Variants in PRR16 observed in about 807,000 individuals in gnomAD.
The protein encoded by PRR16 is protein Largen.
Under a neutral mutation model 18.2 loss-of-function variants are expected in PRR16, and 6 were observed. The observed-to-expected ratio is 0.33, with a 90% confidence interval of 0.18 to 0.65. The LOEUF (loss-of-function observed/expected upper bound fraction) is 0.65. PRR16 is among the 30% of genes least tolerant of loss of function. The pLI, the probability that PRR16 is intolerant of heterozygous loss-of-function variation, is 0.74. For missense variants in PRR16, 412 were observed against 376.6 expected, an observed-to-expected ratio of 1.09 and a Z score of -0.78; for synonymous variants, 151 against 147.8, an observed-to-expected ratio of 1.02 and a Z score of -0.16.
intron 1 of PRR16, among the ~76,000 whole-genome samples, chr5:120,598,988 C>A (rs575845573): frequency 1.3e-5 from 2 of 151,752 alleles, no homozygotes; most frequent in Non-Finnish European, 2.9e-5. Flanking sequence ...CAGAGTGTAG[C>A]TTTTTGGAAA....
rs370413378 is a variant in PRR16 at position 120,518,564 on chromosome 5, C to CT, written c.159+53933dup. Among the ~76,000 whole-genome samples the CT allele has an allele frequency of 5.4e-3, 778 of 143,552 alleles. 4 individuals are homozygous for CT. The highest frequency in any genetic ancestry group is 0.016 in the African/African-American group (619 of 39,406). 94.2% of individuals were successfully genotyped at this position (143,552 alleles called of 152,430 possible). A position where few individuals can be genotyped will look rare whatever the true frequency, so the allele number is the denominator to read the frequency against. On this transcript the variant is annotated intron_variant, in intron 1 of 1. Transcript: ENST00000407149. ...GTTGAAAGGCTATCCTCATTAAAAT[C>CT]TTTTTTTTTTTTTTAATAGAGGCTG...
intron 1 of PRR16, among the ~76,000 whole-genome samples, chr5:120,491,630 G>A (rs138059099): frequency 1.3e-3 from 198 of 152,044 alleles, no homozygotes; most frequent in African/African-American, 4.5e-3. Flanking sequence ...TGCAACCTCT[G>A]CCTCTCAGGT....
At chr5:120,741,135 T>A in the PRR16 span, among the ~76,000 whole-genome samples, 5 of 152,114 alleles carry the variant, frequency 3.3e-5, no homozygotes, top group Admixed American at 6.5e-5. Context: ...AAAAATTTTT[T>A]TATATATATA....
At chr5:120,681,791 T>C (rs1756980885) in intron 1 of PRR16, among the ~76,000 whole-genome samples, 1 of 152,236 alleles carries the variant, frequency 6.6e-6, no homozygotes, top group African/African-American at 2.4e-5. Context: ...GGGACCACTG[T>C]TACTTGTGGG....
chr5:120,648,883 A>G (rs1755685055), intron 1 of PRR16, among the ~76,000 whole-genome samples: 1 of 152,180 alleles, frequency 6.6e-6, no homozygotes, highest in Admixed American at 6.6e-5. Context: ...AAAGAGATGC[A>G]CAAGAGCACA....
At chr5:120,737,200 T>G in the PRR16 span, among the ~76,000 whole-genome samples, 1 of 152,132 alleles carries the variant, frequency 6.6e-6, no homozygotes, top group African/African-American at 2.4e-5. Context: ...CCTGACTGAT[T>G]GGGAGAAACT....
At chr5:120,581,886 T>G (rs181805296) in intron 1 of PRR16, among the ~76,000 whole-genome samples, 1 of 152,306 alleles carries the variant, frequency 6.6e-6, no homozygotes, top group East Asian at 1.9e-4. Flanking sequence ...AGAGACTGTT[T>G]GTTATGATTT....
At chr5:120,640,306 A>AG (rs1358264742) in intron 1 of PRR16, among the ~76,000 whole-genome samples, 1 of 4,678 alleles carries the variant, frequency 2.1e-4, no homozygotes, top group Admixed American at 5.4e-3. Context: ...ATAAAAGTTG[A>AG]AAAAAAATTC....
intron 1 of PRR16, among the ~76,000 whole-genome samples, chr5:120,516,885 A>C (rs1041087499): frequency 6.6e-6 from 1 of 152,174 alleles, no homozygotes; most frequent in African/African-American, 2.4e-5. Context: ...TATGGCTCAT[A>C]TGGTACCTAC....
intron 1 of PRR16, among the ~76,000 whole-genome samples, chr5:120,492,478 T>G (rs1580642427): frequency 6.6e-6 from 1 of 152,056 alleles, no homozygotes; most frequent in Non-Finnish European, 1.5e-5. Flanking sequence ...CTATTACTGG[T>G]TTTTGCTTAT....
chr5:120,785,973 T>TC, the PRR16 span, among the ~76,000 whole-genome samples: 1 of 139,504 alleles, frequency 7.2e-6, no homozygotes, highest in Non-Finnish European at 1.6e-5. Context: ...TTTTAGTCAT[T>TC]CTTTAAAAAA....
chr5:120,622,455 A>T lies in PRR16; in HGVS notation c.160-63499A>T, dbSNP rs1172156465. On this transcript the variant is annotated intron_variant, in intron 1 of 1. Coordinates refer to ENST00000407149, the MANE Select transcript of PRR16 (RefSeq NM_001300783.2). The stretch of plus-strand genomic sequence containing the variant: ...TATTTTTCACAAGTTGGCATTCCAT[A>T]TGTTATTTATTTATTTATTTTATAT... Among the ~76,000 whole-genome samples the T allele has an allele frequency of 4.0e-5, 6 of 151,678 alleles. No homozygotes were observed. The East Asian group carries it at 1.2e-3, about 29-fold the overall frequency.
At chr5:120,541,058 T>A (rs990702164) in intron 1 of PRR16, among the ~76,000 whole-genome samples, 2 of 152,182 alleles carry the variant, frequency 1.3e-5, no homozygotes, top group Non-Finnish European at 2.9e-5. Flanking sequence ...GGTCTTATAA[T>A]TGATTGCTTT....
chr5:120,586,400 A>G (rs1047713992), intron 1 of PRR16, among the ~76,000 whole-genome samples: 1 of 152,114 alleles, frequency 6.6e-6, no homozygotes, highest in African/African-American at 2.4e-5. Flanking sequence ...TTTTATTACG[A>G]TTCACTTTTT....
Position 120,579,971 on chromosome 5 carries a change from G to A in PRR16, c.160-105983G>A, listed in dbSNP as rs570316480. Among the ~76,000 whole-genome samples the A allele has an allele frequency of 1.8e-3, 271 of 152,120 alleles. 1 individual carries two copies. The highest frequency in any genetic ancestry group is 4.2e-3 in the South Asian group (20 of 4,816). ...ACTTCCCTTGTTAGGTGTATTCCTA[G>A]GTATTTTATTCTCTTTGTAGCAATT... is the stretch of plus-strand genomic sequence containing the variant. On this transcript the variant is annotated intron_variant, in intron 1 of 1. Coordinates refer to ENST00000407149, the MANE Select transcript of PRR16 (RefSeq NM_001300783.2).
intron 1 of PRR16, among the ~76,000 whole-genome samples, chr5:120,529,718 A>G (rs576754588): frequency 7.2e-5 from 11 of 152,258 alleles, no homozygotes; most frequent in African/African-American, 2.4e-4. Flanking sequence ...GAAGGTAAGG[A>G]CAAACTTTAG....
intron 1 of PRR16, among the ~76,000 whole-genome samples, chr5:120,600,135 C>T (rs9327155): frequency 0.86 from 130,291 of 151,728 alleles, 56,145 homozygotes; most frequent in Admixed American, 0.91. Flanking sequence ...CTCTTCGTTT[C>T]GTAGCCCAGC....
intron 1 of PRR16, among the ~76,000 whole-genome samples, chr5:120,501,761 C>A (rs1347859884): frequency 6.6e-6 from 1 of 151,754 alleles, no homozygotes; most frequent in African/African-American, 2.4e-5. Context: ...CTGAGACCAT[C>A]CTGGCTACCA....
At chr5:120,682,926 G>A (rs1036742182) in intron 1 of PRR16, among the ~76,000 whole-genome samples, 2 of 152,102 alleles carry the variant, frequency 1.3e-5, no homozygotes, top group Non-Finnish European at 1.5e-5. Flanking sequence ...AATTAGTACC[G>A]GTTGTTATGT....
Sources: gnomAD v4.1 joint callset for allele counts (sites outside exome capture counted in the v4.1 genomes callset) on GRCh38, gnomAD v4.1.1 for gene constraint, MANE v1.5 for transcripts, NCBI Gene and HGNC (gene_info 2026-07-23, HGNC 2026-07-21) for gene names.